ME3: variants seen among roughly 807,000 people sequenced by gnomAD.
The protein encoded by ME3 is malic enzyme 3.
In ME3, 48 loss-of-function variants were observed where a neutral mutation model predicts 68.9. The ratio of observed to expected loss-of-function variants is 0.70; its 90% CI spans 0.55 to 0.89. The LOEUF (loss-of-function observed/expected upper bound fraction) is 0.89, where lower values mean the gene tolerates loss of function less well. Ranked by LOEUF, ME3 falls within the 40% of genes least tolerant of loss-of-function variation. The pLI, the probability that ME3 is intolerant of heterozygous loss-of-function variation, is 0.00. For missense variants in ME3, 675 were observed against 797.4 expected (o/e 0.85, Z 1.85); for synonymous variants, 320 against 318.8 (o/e 1.00, Z -0.04).
At chr11:86,522,106 T>G (rs1263669982) in intron 4 of ME3, among the ~76,000 whole-genome samples, 1 of 152,064 alleles carries the variant, frequency 6.6e-6, no homozygotes, top group Non-Finnish European at 1.5e-5. Context: ...AAAAATTAGC[T>G]GGGTGTGGTG....
intron 3 of ME3, among the ~76,000 whole-genome samples, chr11:86,559,043 A>G (rs7934133): frequency 0.32 from 48,278 of 152,082 alleles, 7,957 homozygotes; most frequent in Middle Eastern, 0.38. Flanking sequence ...AATTCTAGCC[A>G]CGCCCATTTA....
intron 2 of ME3, among the ~76,000 whole-genome samples, chr11:86,634,466 G>A (rs76584150): frequency 0.025 from 3,750 of 152,278 alleles, 141 homozygotes; most frequent in African/African-American, 0.08. Flanking sequence ...ATCAGATCAT[G>A]AGACTGTCTT....
At chr11:86,529,334 A>G (rs1565906568) in intron 4 of ME3, among the ~76,000 whole-genome samples, 3 of 152,224 alleles carry the variant, frequency 2.0e-5, no homozygotes, top group Admixed American at 2.0e-4. Context: ...GAATGGACCA[A>G]TAACAGGCTC....
At chr11:86,530,081 G>A (rs1955087983) in intron 4 of ME3, among the ~76,000 whole-genome samples, 2 of 152,126 alleles carry the variant, frequency 1.3e-5, no homozygotes, top group South Asian at 4.1e-4. Context: ...GTTTGCAGAT[G>A]ACATTGTATA....
intron 2 of ME3, among the ~76,000 whole-genome samples, chr11:86,663,106 G>A (rs903899081): frequency 6.6e-6 from 1 of 152,206 alleles, no homozygotes; most frequent in Non-Finnish European, 1.5e-5. Flanking sequence ...TGGGCTTCAT[G>A]TAGCTCACTA....
At chr11:86,581,598 T>G (rs1193188371) in intron 2 of ME3, among the ~76,000 whole-genome samples, 2 of 152,228 alleles carry the variant, frequency 1.3e-5, no homozygotes, top group Non-Finnish European at 2.9e-5. Context: ...AGCAATGCTT[T>G]GCATTATGTC....
chr11:86,640,886 G>A (rs1944624189), intron 2 of ME3, among the ~76,000 whole-genome samples: 1 of 152,034 alleles, frequency 6.6e-6, no homozygotes, highest in African/African-American at 2.4e-5. Context: ...CCAGCTCCCA[G>A]GATCTCATCT....
At chr11:86,614,139 GA>G (rs1942791732) in intron 2 of ME3, among the ~76,000 whole-genome samples, 1 of 152,092 alleles carries the variant, frequency 6.6e-6, no homozygotes, top group African/African-American at 2.4e-5. Flanking sequence ...TCAGCACTTT[GA>G]ATCAGAATCT....
At chr11:86,524,499 G>C (rs1319492201) in intron 4 of ME3, among the ~76,000 whole-genome samples, 1 of 152,156 alleles carries the variant, frequency 6.6e-6, no homozygotes. Context: ...CAAGATAATA[G>C]TCCCCTAAAC....
chr11:86,469,433 C>T (rs1331183228), intron 7 of ME3, among the ~76,000 whole-genome samples: 9 of 152,204 alleles, frequency 5.9e-5, no homozygotes. Flanking sequence ...GGCAGCCACC[C>T]TCCAGGTCAT....
chr11:86,650,774 C>T (rs775234011), intron 2 of ME3, among the ~76,000 whole-genome samples: 11 of 152,154 alleles, frequency 7.2e-5, no homozygotes, highest in Non-Finnish European at 1.6e-4. Context: ...GCACACCGAG[C>T]GTGAGCTGCA....
At chr11:86,448,449 G>GGTGT (rs373748422) in intron 10 of ME3, among the ~76,000 whole-genome samples, 194 bp from the exon 11 acceptor site, 4 of 151,716 alleles carry the variant, frequency 2.6e-5, no homozygotes, top group Admixed American at 1.3e-4. Flanking sequence ...GTGAGAGTGG[G>GGTGT]GTGTGTGTGT....
At chr11:86,453,993 C>G (rs924280935) in intron 8 of ME3, among the ~76,000 whole-genome samples, 4 of 152,126 alleles carry the variant, frequency 2.6e-5, no homozygotes, top group Admixed American at 6.5e-5. Flanking sequence ...ATTAAGTGTT[C>G]TCTATTAAAG....
chr11:86,548,159 C>G (rs1357030192), intron 4 of ME3, among the ~76,000 whole-genome samples: 1 of 152,208 alleles, frequency 6.6e-6, no homozygotes, highest in African/African-American at 2.4e-5. Context: ...CTAGGCAGGC[C>G]ACATGCATTT....
chr11:86,602,752 A>T (rs1180513804), intron 2 of ME3, among the ~76,000 whole-genome samples: 1 of 152,194 alleles, frequency 6.6e-6, no homozygotes, highest in Non-Finnish European at 1.5e-5. Flanking sequence ...CAAAACAGAG[A>T]TATAGACCAA....
At chr11:86,482,573 C>T (rs1257638470) in intron 7 of ME3, among the ~76,000 whole-genome samples, 2 of 150,386 alleles carry the variant, frequency 1.3e-5, no homozygotes, top group East Asian at 3.9e-4. Flanking sequence ...GTATAACCTC[C>T]TCCCTTGGAA....
At chr11:86,499,518 G>A (rs1952581578) in intron 5 of ME3, among the ~76,000 whole-genome samples, 1 of 152,118 alleles carries the variant, frequency 6.6e-6, no homozygotes, top group Admixed American at 6.5e-5. Context: ...TACATTGCTG[G>A]GCAATGGGGG....
At chr11:86,448,012 G>C in intron 11 of ME3, 138 bp downstream of exon 11, 1 of 624,524 alleles carries the variant, frequency 1.6e-6, no homozygotes. Flanking sequence ...AAAAGTTTGT[G>C]GCATTGAATT....
intron 4 of ME3, among the ~76,000 whole-genome samples, chr11:86,535,871 C>T (rs577153275): frequency 2.0e-5 from 3 of 152,296 alleles, no homozygotes; most frequent in African/African-American, 4.8e-5. Context: ...AAAACTTCTT[C>T]TATCTATCCA....
Sources: allele counts gnomAD v4.1 joint callset (sites outside exome capture counted in the v4.1 genomes callset), GRCh38; gene constraint gnomAD v4.1.1; transcripts MANE v1.5; gene names NCBI Gene and HGNC (gene_info 2026-07-23, HGNC 2026-07-21).